Variants in UNC5B observed in about 807,000 individuals in gnomAD.
UNC5B encodes the protein unc-5 netrin receptor B.
Under a neutral mutation model 103.7 loss-of-function variants are expected in UNC5B, and 56 were observed. The ratio of observed to expected loss-of-function variants is 0.54; its 90% confidence interval spans 0.44 to 0.67. UNC5B has a LOEUF of 0.67. UNC5B is among the 30% of genes least tolerant of loss of function. The pLI, the probability that UNC5B is intolerant of heterozygous loss-of-function variation, is 0.00. For synonymous variants in UNC5B, 577 were observed against 542.0 expected, an observed-to-expected ratio of 1.06 and a Z score of -0.90; for missense variants, 1,194 against 1,284.5, an observed-to-expected ratio of 0.93 and a Z score of 1.08.
At chr10:71,259,385 CA>C (rs57245329) in intron 1 of UNC5B, among the ~76,000 whole-genome samples, 11,147 of 90,164 alleles carry the variant, frequency 0.12, 1,002 homozygotes, top group African/African-American at 0.32. Flanking sequence ...GACTCCATCT[CA>C]AAAAAAAAAA....
At chr10:71,217,056 G>C (rs1409781107) in intron 1 of UNC5B, among the ~76,000 whole-genome samples, 1 of 152,256 alleles carries the variant, frequency 6.6e-6, no homozygotes, top group African/African-American at 2.4e-5. Flanking sequence ...GGAAACTGCT[G>C]CCTGGGCAGA....
At position 71,288,616 on chromosome 10, in the gene UNC5B, A is replaced by T. The variant is rs776949132; in HGVS notation, c.950A>T (p.Glu317Val). Residue 317 changes from glutamate to valine, a missense_variant, in exon 7 of 17, where the codon GAG becomes GTG. By Grantham distance (121) the Glu-to-Val change is moderately radical. Transcript: ENST00000335350. The part of the protein sequence containing the change: ...EWSKWSACST[E>V]CAHWRSRECM... ...AGCAAGTGGTCAGCCTGCAGCACTG[A>T]GTGTGCCCACTGGCGTAGCCGCGAG... 1 of 1,613,882 alleles carries T rather than the reference A, an allele frequency of 6.2e-7. No individual in the cohort carries two copies. The highest frequency in any genetic ancestry group is 1.7e-5 in the Admixed American group (1 of 60,020).
chr10:71,233,311 G>A (rs1843717755), intron 1 of UNC5B, among the ~76,000 whole-genome samples: 1 of 152,122 alleles, frequency 6.6e-6, no homozygotes, highest in Admixed American at 6.5e-5. Context: ...GGGTCCTGAG[G>A]TGGCCCCATC....
intron 1 of UNC5B, among the ~76,000 whole-genome samples, chr10:71,244,698 G>A (rs1843983015): frequency 6.6e-6 from 1 of 152,236 alleles, no homozygotes; most frequent in African/African-American, 2.4e-5. Context: ...CGGATCCTGA[G>A]AGCTAGGATG....
chr10:71,244,087 C>T (rs907442106), intron 1 of UNC5B, among the ~76,000 whole-genome samples: 1 of 152,250 alleles, frequency 6.6e-6, no homozygotes. Flanking sequence ...ACCTATTCTG[C>T]TGTATCTAGT....
chr10:71,213,675 A>AATTATTATTATTATTATT lies in UNC5B; in HGVS notation c.79+628_79+645dup, dbSNP rs5786026. On this transcript the variant is annotated intron_variant, in intron 1 of 16. Coordinates refer to ENST00000335350, the MANE Select transcript of UNC5B (RefSeq NM_170744.5). The surrounding 1 kb of genome is among the most constrained non-coding windows in gnomAD (Gnocchi z 4.1). Reference sequence around the variant, plus strand: ...ATCGCTGGGCCCGCAGGTCTGGAAGAATTATTATTATTATTATTATTATTA... The same window carrying AATTATTATTATTATTATT: ...ATCGCTGGGCCCGCAGGTCTGGAAGAATTATTATTATTATTATTATTATTATTATTATTATTATTATTA... Among the ~76,000 whole-genome samples the AATTATTATTATTATTATT allele has an allele frequency of 3.4e-3, 458 of 133,242 alleles. 1 individual carries two copies. The highest frequency in any genetic ancestry group is 0.015 in the Middle Eastern group (4 of 266). 87.4% of individuals were successfully genotyped at this position (133,242 alleles called of 152,430 possible). A position where few individuals can be genotyped will look rare whatever the true frequency, so the allele number is the denominator to read the frequency against.
chr10:71,287,465 A>C (rs1462022435), intron 5 of UNC5B, 133 bp from the exon 6 acceptor site: 1 of 1,145,814 alleles, frequency 8.7e-7, no homozygotes, highest in African/African-American at 1.6e-5. Context: ...GAGTCCCTAC[A>C]CTGTAGGCAA....
chr10:71,266,543 C>T (rs1165435120), intron 1 of UNC5B, among the ~76,000 whole-genome samples: 4 of 152,174 alleles, frequency 2.6e-5, no homozygotes, highest in South Asian at 2.1e-4. Context: ...GGGCTGGAGA[C>T]GGCACTCCAT....
At chr10:71,228,956 C>T (rs901118780) in intron 1 of UNC5B, among the ~76,000 whole-genome samples, 3 of 152,200 alleles carry the variant, frequency 2.0e-5, no homozygotes, top group Non-Finnish European at 2.9e-5. Context: ...CTTCCATGAG[C>T]CCACCCTACA....
chr10:71,267,401 G>A (rs1280253189), intron 1 of UNC5B, among the ~76,000 whole-genome samples: 2 of 152,202 alleles, frequency 1.3e-5, no homozygotes, highest in African/African-American at 4.8e-5. Context: ...GAGAAAGTGA[G>A]CTGATTCCTT....
At chr10:71,228,742 C>T (rs1429755495) in intron 1 of UNC5B, among the ~76,000 whole-genome samples, 1 of 152,268 alleles carries the variant, frequency 6.6e-6, no homozygotes, top group Non-Finnish European at 1.5e-5. Context: ...ACCCGAGGGG[C>T]ACCCACGGGG....
intron 1 of UNC5B, among the ~76,000 whole-genome samples, chr10:71,241,464 T>G (rs1210384920): frequency 6.6e-6 from 1 of 152,192 alleles, no homozygotes; most frequent in Non-Finnish European, 1.5e-5. Context: ...TGTCCTGGGT[T>G]AGTGCTGTCT....
intron 1 of UNC5B, among the ~76,000 whole-genome samples, chr10:71,243,713 C>A (rs1843960184): frequency 6.6e-6 from 1 of 152,146 alleles, no homozygotes; most frequent in South Asian, 2.1e-4. Context: ...CTAGACAGTC[C>A]AGGGTGGGCT....
chr10:71,298,116 C>A, intron 16 of UNC5B, 26 bp downstream of exon 16: 2 of 1,568,544 alleles, frequency 1.3e-6, no homozygotes, highest in Non-Finnish European at 8.6e-7. Flanking sequence ...CACAGCCCAT[C>A]CCCATCTGCC....
At chr10:71,214,324 C>CT (rs1189301245) in intron 1 of UNC5B, among the ~76,000 whole-genome samples, 2 of 151,910 alleles carry the variant, frequency 1.3e-5, no homozygotes, top group Non-Finnish European at 2.9e-5. Flanking sequence ...GAGGGCTTGG[C>CT]TTTAGCACAT....
chr10:71,246,096 G>A (rs1326292415), intron 1 of UNC5B, among the ~76,000 whole-genome samples: 1 of 152,062 alleles, frequency 6.6e-6, no homozygotes, highest in Non-Finnish European at 1.5e-5. Context: ...TGGCTTAGCT[G>A]GGAAACAAGA....
chr10:71,224,393 A>G (rs1371419469), intron 1 of UNC5B, among the ~76,000 whole-genome samples: 3 of 152,072 alleles, frequency 2.0e-5, no homozygotes, highest in Admixed American at 1.3e-4. Flanking sequence ...ACACACACAC[A>G]CACACACACA....
At chr10:71,252,138 T>C (rs1246968175) in intron 1 of UNC5B, among the ~76,000 whole-genome samples, 1 of 152,230 alleles carries the variant, frequency 6.6e-6, no homozygotes, top group Non-Finnish European at 1.5e-5. Flanking sequence ...ATCTGAATCT[T>C]GAATTTTATT....
rs1475734762 is a variant in UNC5B, at chr10:71,287,771, G to A, written c.901+6G>A. ...CTGCACCACCATCTGCCCAGGTAAG[G>A]AGCCTTGTCCATGTCCAGCCCCACC... On this transcript the variant is annotated splice_donor_region_variant and intron_variant, in intron 6 of 16. Coordinates refer to ENST00000335350, the MANE Select transcript of UNC5B (RefSeq NM_170744.5). 6.2e-7 allele frequency: 1 copy of A among 1,610,924 alleles called. No homozygotes were observed. Among genetic ancestry groups the A allele is most frequent in the South Asian group, 1.1e-5 (1 of 90,640 alleles).
Sources: gnomAD v4.1 joint callset for allele counts (sites outside exome capture counted in the v4.1 genomes callset) on GRCh38, gnomAD v4.1.1 for gene constraint, Gnocchi (gnomAD v3.1) non-coding constraint, MANE v1.5 for transcripts, NCBI Gene and HGNC (gene_info 2026-07-23, HGNC 2026-07-21) for gene names.